The following PCDH9 variants were observed in gnomAD, a reference collection of about 807,000 sequenced individuals.
PCDH9 encodes protocadherin-9.
In PCDH9, 24 loss-of-function variants were observed where a neutral mutation model predicts 70.6. The ratio of observed to expected loss-of-function variants is 0.34; its 90% CI spans 0.25 to 0.48. The LOEUF (loss-of-function observed/expected upper bound fraction) is 0.48. Among genes scored for constraint, PCDH9 ranks in the 20% least tolerant of loss-of-function variants. The pLI is 0.99. For synonymous variants in PCDH9, 562 were observed against 558.5 expected, an observed-to-expected ratio of 1.01 and a Z score of -0.09; for missense variants, 1,281 against 1,503.6, an observed-to-expected ratio of 0.85 and a Z score of 2.45.
intron 3 of PCDH9, among the ~76,000 whole-genome samples, chr13:66,746,371 G>A (rs945878566): frequency 6.6e-6 from 1 of 152,144 alleles, no homozygotes. Flanking sequence ...TATTTTTAAT[G>A]TATGTAAATA....
At chr13:66,794,602 TTAA>T (rs2080211420) in intron 3 of PCDH9, among the ~76,000 whole-genome samples, 1 of 152,098 alleles carries the variant, frequency 6.6e-6, no homozygotes, top group Non-Finnish European at 1.5e-5. Context: ...ACCTAAGGCT[TTAA>T]CAATCTCTGT....
intron 4 of PCDH9, among the ~76,000 whole-genome samples, chr13:66,533,746 T>G (rs996488720): frequency 2.6e-5 from 4 of 152,178 alleles, no homozygotes; most frequent in Non-Finnish European, 4.4e-5. Context: ...TTAAAAATCT[T>G]AAAGATGCAC....
At chr13:66,902,797 G>A (rs2082297891) in intron 3 of PCDH9, among the ~76,000 whole-genome samples, 1 of 151,384 alleles carries the variant, frequency 6.6e-6, no homozygotes, top group Non-Finnish European at 1.5e-5. Flanking sequence ...TGTATGTTAT[G>A]TGTTTTTTTA....
At chr13:66,893,852 T>G (rs2082133761) in intron 3 of PCDH9, among the ~76,000 whole-genome samples, 1 of 152,174 alleles carries the variant, frequency 6.6e-6, no homozygotes, top group Admixed American at 6.6e-5. Context: ...CTATACAACC[T>G]ATTCTATTCT....
chr13:66,899,439 C>T (rs140673154), intron 3 of PCDH9, among the ~76,000 whole-genome samples: 19 of 152,060 alleles, frequency 1.2e-4, no homozygotes, highest in South Asian at 6.2e-4. Context: ...CGGATTTCAC[C>T]CCTACAAGGG....
At chr13:67,008,380 G>C (rs2084392498) in intron 2 of PCDH9, among the ~76,000 whole-genome samples, 3 of 152,062 alleles carry the variant, frequency 2.0e-5, no homozygotes, top group Admixed American at 2.0e-4. Flanking sequence ...CTATAAAACT[G>C]TTGGTTTATA....
intron 4 of PCDH9, among the ~76,000 whole-genome samples, chr13:66,548,661 G>A (rs144148076): frequency 1.0e-3 from 154 of 152,082 alleles, no homozygotes; most frequent in African/African-American, 3.4e-3. Flanking sequence ...TGTTATGATC[G>A]TAATAACTAT....
At chr13:67,007,761 G>A (rs1450681740) in intron 2 of PCDH9, among the ~76,000 whole-genome samples, 1 of 152,136 alleles carries the variant, frequency 6.6e-6, no homozygotes, top group East Asian at 1.9e-4. Context: ...ACAAATCCCA[G>A]GACTGATGCA....
At chr13:66,581,717 G>A (rs183236771) in intron 4 of PCDH9, among the ~76,000 whole-genome samples, 2 of 152,246 alleles carry the variant, frequency 1.3e-5, no homozygotes, top group Admixed American at 6.5e-5. Flanking sequence ...CCCAAGAAAT[G>A]AAGTGTGCCA....
At chr13:67,110,123 T>G (rs1034940062) in intron 2 of PCDH9, among the ~76,000 whole-genome samples, 3 of 152,012 alleles carry the variant, frequency 2.0e-5, no homozygotes, top group African/African-American at 7.3e-5. Context: ...AAGCTGACAT[T>G]TTTAAAAAGT....
intron 3 of PCDH9, among the ~76,000 whole-genome samples, chr13:66,764,653 C>T (rs2079682767): frequency 6.6e-6 from 1 of 151,948 alleles, no homozygotes; most frequent in Admixed American, 6.6e-5. Flanking sequence ...TAAAGCAGAT[C>T]TATGGAATAG....
At chr13:66,491,704 C>T (rs1314488175) in intron 4 of PCDH9, among the ~76,000 whole-genome samples, 1 of 152,060 alleles carries the variant, frequency 6.6e-6, no homozygotes, top group Non-Finnish European at 1.5e-5. Flanking sequence ...ATCACTTTCT[C>T]AGTTAAGCTT....
chr13:66,757,056 C>T (rs2079548533), intron 3 of PCDH9, among the ~76,000 whole-genome samples: 1 of 152,072 alleles, frequency 6.6e-6, no homozygotes, highest in Admixed American at 6.6e-5. Flanking sequence ...AGCCTAGTCT[C>T]GAACTCCTGA....
chr13:67,092,999 T>C (rs187304950), intron 2 of PCDH9, among the ~76,000 whole-genome samples: 1 of 152,306 alleles, frequency 6.6e-6, no homozygotes, highest in East Asian at 1.9e-4. Context: ...TAAGTAGCTA[T>C]GCAATATCAG....
chr13:66,514,579 G>T (rs1359499075), intron 4 of PCDH9, among the ~76,000 whole-genome samples: 2 of 151,832 alleles, frequency 1.3e-5, no homozygotes, highest in East Asian at 3.9e-4. Context: ...AAAAATTTAA[G>T]TATATTATTA....
chr13:66,487,189 T>A (rs988267352), intron 4 of PCDH9, among the ~76,000 whole-genome samples: 5 of 152,224 alleles, frequency 3.3e-5, no homozygotes, highest in African/African-American at 1.2e-4. Flanking sequence ...TGCTATAGAT[T>A]TCCATTGTGA....
chr13:66,540,033 C>A (rs1250466591), intron 4 of PCDH9, among the ~76,000 whole-genome samples: 1 of 151,712 alleles, frequency 6.6e-6, no homozygotes, highest in Non-Finnish European at 1.5e-5. Flanking sequence ...CTATGCCCAG[C>A]TATTTTTTAA....
intron 2 of PCDH9, among the ~76,000 whole-genome samples, chr13:67,130,543 A>G (rs2087087657): frequency 6.6e-6 from 1 of 152,212 alleles, no homozygotes; most frequent in East Asian, 1.9e-4. Context: ...GCCATGAGAA[A>G]CACCCTGCCT....
chr13:67,100,597 A>T (rs1164665436), intron 2 of PCDH9, among the ~76,000 whole-genome samples: 1 of 152,252 alleles, frequency 6.6e-6, no homozygotes, highest in African/African-American at 2.4e-5. Context: ...ACAAAAAAGT[A>T]ATCACTGCAG....
Sources: gnomAD v4.1 joint callset for allele counts (sites outside exome capture counted in the v4.1 genomes callset) on GRCh38, gnomAD v4.1.1 for gene constraint, MANE v1.5 for transcripts, NCBI Gene and HGNC (gene_info 2026-07-23, HGNC 2026-07-21) for gene names.